ZNF726: variants seen among roughly 807,000 people sequenced by gnomAD.
The protein encoded by ZNF726 is zinc finger protein 92 pseudogene 3.
Under a neutral mutation model 11.6 loss-of-function variants are expected in ZNF726, and 15 were observed. The ratio of observed to expected loss-of-function variants is 1.29; its 90% CI spans 0.86 to 1.99. The LOEUF is 1.99. Ranked by LOEUF, ZNF726 falls within the 30% of genes most tolerant of loss-of-function variation. The pLI, the probability that ZNF726 is intolerant of heterozygous loss-of-function variation, is 0.00. For missense variants in ZNF726, 890 were observed against 725.6 expected, an observed-to-expected ratio of 1.23 and a Z score of -2.60; for synonymous variants, 295 against 243.6, an observed-to-expected ratio of 1.21 and a Z score of -1.96.
At chr19:23,930,530 A>G (rs944234447) in intron 3 of ZNF726, among the ~76,000 whole-genome samples, 2 of 152,166 alleles carry the variant, frequency 1.3e-5, no homozygotes, top group African/African-American at 4.8e-5. Context: ...AAAATCATAT[A>G]TGAATTAGCC....
chr19:23,930,208 T>C (rs1968075796), intron 3 of ZNF726, among the ~76,000 whole-genome samples: 1 of 152,194 alleles, frequency 6.6e-6, no homozygotes, highest in African/African-American at 2.4e-5. Context: ...AAATCAAATA[T>C]TATTGGTTAG....
At chr19:23,922,473 G>T (rs990447552) in intron 3 of ZNF726, among the ~76,000 whole-genome samples, 1 of 152,154 alleles carries the variant, frequency 6.6e-6, no homozygotes, top group Non-Finnish European at 1.5e-5. Flanking sequence ...CCTCTGGAAG[G>T]GCAGGACCCA....
chr19:23,918,767 G>C lies in ZNF726; in HGVS notation c.4-606G>C, dbSNP rs542315933. 6.0e-4 allele frequency among the ~76,000 whole-genome samples: 87 copies of C among 144,970 alleles called. 1 individual carries two copies. Among genetic ancestry groups the C allele is most frequent in the Non-Finnish European group, 1.1e-3 (71 of 65,906 alleles). ...TATTCTTTGCATTTATCTTTTGTTG[G>C]TAAATGAAAGCTCTCATCTTTGTTT... is the stretch of plus-strand genomic sequence containing the variant. On this transcript the variant is annotated intron_variant, in intron 1 of 3. Transcript: ENST00000594466.
chr19:23,937,777 G>A (rs1968270959), downstream of ZNF726, among the ~76,000 whole-genome samples: 2 of 152,212 alleles, frequency 1.3e-5, no homozygotes, highest in African/African-American at 4.8e-5. Context: ...TCGGCACTTT[G>A]GGAGGCCAAG....
At position 23,932,952 on chromosome 19, in the gene ZNF726, A is replaced by T. The variant is rs775580127; in HGVS notation, c.836A>T (p.His279Leu). 2 of 1,612,164 alleles carry T rather than the reference A, an allele frequency of 1.2e-6. No homozygotes were observed. Among genetic ancestry groups the T allele is most frequent in the Non-Finnish European group, 1.7e-6 (2 of 1,179,718 alleles). ...ACACTAACCATACATAAGAGGATAC[A>T]TACTGGAGAGAAACCCTGCAAATGT... is the stretch of plus-strand genomic sequence containing the variant. ...SSTLTIHKRI[H>L]TGEKPCKCEE... is the part of the protein sequence containing the mutation. The change falls in exon 4 of 4, where the codon CAT becomes CTT. Residue 279 changes from histidine to leucine, a missense_variant. Physicochemically the swap from His to Leu is moderately conservative, Grantham distance 99 (BLOSUM62 -3). Transcript: ENST00000594466.
chr19:23,937,012 C>G (rs1054651924), downstream of ZNF726, among the ~76,000 whole-genome samples: 1 of 151,628 alleles, frequency 6.6e-6, no homozygotes, highest in Non-Finnish European at 1.5e-5. Flanking sequence ...CAGAGGGGCT[C>G]CTCACTTCCC....
chr19:23,918,380 A>G (rs1383131511), intron 1 of ZNF726, among the ~76,000 whole-genome samples: 1 of 152,222 alleles, frequency 6.6e-6, no homozygotes, highest in Non-Finnish European at 1.5e-5. Flanking sequence ...AGTTCTGAAA[A>G]AACTGTCGGG....
Position 23,934,362 on chromosome 19 carries a change from T to A in ZNF726, c.*395T>A. 1 of 527,534 alleles carries A rather than the reference T, an allele frequency of 1.9e-6. No homozygotes were observed. Among genetic ancestry groups the A allele is most frequent in the Admixed American group, 2.1e-5 (1 of 46,592 alleles). 32.7% of individuals were successfully genotyped at this position (527,534 alleles called of 1,614,324 possible). On this transcript the variant is annotated 3_prime_UTR_variant, in exon 4 of 4. Coordinates refer to ENST00000594466, the MANE Select transcript of ZNF726 (RefSeq NM_001244038.2). Reference sequence around the variant, plus strand: ...TCCTCAACTGTTACTGAACATAAAGTAATTCATACTGAAGAGAAACCCTAC... The same window carrying A: ...TCCTCAACTGTTACTGAACATAAAGAAATTCATACTGAAGAGAAACCCTAC...
At chr19:23,943,639 C>T (rs1968373181) in intron 4 of ZNF726, 2 of 540,848 alleles carry the variant, frequency 3.7e-6, no homozygotes, top group Non-Finnish European at 6.9e-6. Context: ...GTTCAAAGGT[C>T]AAAAAGAATG....
At chr19:23,929,690 A>G (rs1968064170) in intron 3 of ZNF726, among the ~76,000 whole-genome samples, 1 of 152,220 alleles carries the variant, frequency 6.6e-6, no homozygotes. Flanking sequence ...ATATATTTAT[A>G]TCTCATGACA....
chr19:23,920,328 A>C (rs1967813066), intron 3 of ZNF726: 2 of 269,646 alleles, frequency 7.4e-6, no homozygotes, highest in Non-Finnish European at 1.5e-5. Context: ...AGTACTGTTC[A>C]TGGCATATAA....
chr19:23,929,039 C>T (rs1444919494), intron 3 of ZNF726: 1 of 152,026 alleles, frequency 6.6e-6, no homozygotes, highest in African/African-American at 2.4e-5. Flanking sequence ...ATCCAGTGAT[C>T]AGCCCATCTT....
chr19:23,937,739 G>A (rs1458361768), downstream of ZNF726, among the ~76,000 whole-genome samples: 1 of 152,190 alleles, frequency 6.6e-6, no homozygotes, highest in African/African-American at 2.4e-5. Context: ...TTCCCAGATG[G>A]GGTGGTGGCC....
chr19:23,919,536 C>T, intron 2 of ZNF726, 37 bp downstream of exon 2: 3 of 1,538,272 alleles, frequency 2.0e-6, no homozygotes, highest in Non-Finnish European at 2.6e-6. Context: ...TTAATATAAA[C>T]TAAAGCTTTT....
At chr19:23,940,316 G>A (rs1376741661) in intron 3 of ZNF726, among the ~76,000 whole-genome samples, 1 of 152,124 alleles carries the variant, frequency 6.6e-6, no homozygotes, top group African/African-American at 2.4e-5. Flanking sequence ...TTGAAGATCA[G>A]TTGGCTGTAT....
intron 1 of ZNF726, 69 bp downstream of exon 1, chr19:23,915,066 T>C: frequency 6.2e-7 from 1 of 1,611,148 alleles, no homozygotes; most frequent in Non-Finnish European, 8.5e-7. Flanking sequence ...GAAGCGGCAG[T>C]GGCGGGACTC....
intron 3 of ZNF726, among the ~76,000 whole-genome samples, chr19:23,929,600 A>T (rs1019269067): frequency 1.3e-5 from 2 of 152,218 alleles, no homozygotes; most frequent in African/African-American, 2.4e-5. Context: ...GGAATTAAAG[A>T]TGAGTCTTGG....
chr19:23,919,355 T>A lies in ZNF726; in HGVS notation c.4-18T>A. ...CATAGCCACTTTGTAAATATGTGTG[T>A]TTGTGTGTATTTTCCAGGGACTGTT... On this transcript the variant is annotated intron_variant, in intron 1 of 3. Coordinates refer to ENST00000594466, the MANE Select transcript of ZNF726 (RefSeq NM_001244038.2). The A allele has an allele frequency of 1.3e-6, 2 of 1,599,146 alleles. No individual in the cohort carries two copies. The highest frequency in any genetic ancestry group is 4.5e-5 in the East Asian group (2 of 44,462).
In ZNF726 at chr19:23,932,805, A is replaced by G. The variant is rs199724451; in HGVS notation, c.689A>G (p.Lys230Arg). The G allele has an allele frequency of 3.9e-5, 63 of 1,610,468 alleles. No homozygotes were observed. The highest frequency in any genetic ancestry group is 1.3e-4 in the Admixed American group (8 of 59,364). The change falls in exon 4 of 4, where the codon AAA (lysine) becomes AGA (arginine). Residue 230 changes from lysine to arginine, a missense_variant. Coordinates refer to ENST00000594466, the MANE Select transcript of ZNF726 (RefSeq NM_001244038.2). ...KKTHTEEKPY[K>R]CEEYGKAFNQ... Reference sequence around the variant, plus strand: ...ACTCATACTGAAGAAAAGCCCTACAAATGTGAAGAATATGGCAAAGCTTTT... The same window carrying G: ...ACTCATACTGAAGAAAAGCCCTACAGATGTGAAGAATATGGCAAAGCTTTT...
Sources: allele counts gnomAD v4.1 joint callset (sites outside exome capture counted in the v4.1 genomes callset), GRCh38; gene constraint gnomAD v4.1.1; transcripts MANE v1.5; gene names NCBI Gene and HGNC (gene_info 2026-07-23, HGNC 2026-07-21).